The following METTL24 variants were observed in gnomAD, a reference collection of about 807,000 sequenced individuals.
METTL24 encodes the protein probable methyltransferase-like protein 24.
In METTL24, 29 loss-of-function variants were observed where a neutral mutation model predicts 32.7. The ratio of observed to expected loss-of-function variants is 0.89; its 90% CI spans 0.66 to 1.21. The LOEUF (loss-of-function observed/expected upper bound fraction) is 1.21, where lower values mean the gene tolerates loss of function less well. METTL24 is among the 50% of genes most tolerant of loss of function. The probability of loss-of-function intolerance (pLI) is 0.00; values close to 1 mark genes in which losing one functional copy is unlikely to be tolerated. For missense variants in METTL24, 439 were observed against 468.1 expected (o/e 0.94, Z 0.57); for synonymous variants, 163 against 179.5 (o/e 0.91, Z 0.73).
chr6:110,311,148 C>G (rs950533373), intron 3 of METTL24, among the ~76,000 whole-genome samples: 1 of 152,126 alleles, frequency 6.6e-6, no homozygotes, highest in African/African-American at 2.4e-5. Flanking sequence ...CAATTCTGGT[C>G]TGGGTCTCAC....
intron 3 of METTL24, among the ~76,000 whole-genome samples, chr6:110,307,138 T>C (rs1328385766): frequency 6.6e-6 from 1 of 152,228 alleles, no homozygotes; most frequent in Non-Finnish European, 1.5e-5. Context: ...TGTGGTAAGC[T>C]ATATTTTACT....
chr6:110,332,505 C>T, intron 1 of METTL24: 2 of 983,150 alleles, frequency 2.0e-6, no homozygotes, highest in Non-Finnish European at 2.4e-6. Flanking sequence ...TACACAGTGT[C>T]TGCATACGTA....
chr6:110,300,556 G>A (rs759279490), intron 3 of METTL24, among the ~76,000 whole-genome samples: 2 of 151,894 alleles, frequency 1.3e-5, no homozygotes, highest in Non-Finnish European at 2.9e-5. Flanking sequence ...AAGTAGCTGG[G>A]ATTACAGGTG....
chr6:110,324,456 G>A lies in METTL24; in HGVS notation c.319-1584C>T, dbSNP rs577814637. 4.6e-5 allele frequency among the ~76,000 whole-genome samples: 7 copies of A among 152,320 alleles called. No individual in the cohort carries two copies. The South Asian group carries it at 1.2e-3, about 27-fold the overall frequency. Reference sequence around the variant, plus strand: ...GCCATGCTCAGTTTAATGCTCTGCTGATGCTGTCTCGAAATTCTTAGTAAT... The same window carrying A: ...GCCATGCTCAGTTTAATGCTCTGCTAATGCTGTCTCGAAATTCTTAGTAAT... On this transcript the variant is annotated intron_variant, in intron 1 of 4. Coordinates refer to ENST00000338882, the MANE Select transcript of METTL24 (RefSeq NM_001123364.3).
At chr6:110,273,130 T>C in intron 4 of METTL24, among the ~76,000 whole-genome samples, 1 of 152,084 alleles carries the variant, frequency 6.6e-6, no homozygotes, top group Non-Finnish European at 1.5e-5. Flanking sequence ...CTGTCTTGAG[T>C]TGATTTTTGT....
chr6:110,312,640 A>T (rs981902036), intron 3 of METTL24, among the ~76,000 whole-genome samples: 3 of 152,220 alleles, frequency 2.0e-5, no homozygotes, highest in Non-Finnish European at 4.4e-5. Flanking sequence ...TGCTGGAGCT[A>T]AAAAGTTGAT....
At chr6:110,337,653 A>T (rs996222579) in intron 1 of METTL24, among the ~76,000 whole-genome samples, 1 of 152,176 alleles carries the variant, frequency 6.6e-6, no homozygotes, top group Non-Finnish European at 1.5e-5. Flanking sequence ...ATAGACCATA[A>T]GGAAATTCCA....
chr6:110,333,565 C>A (rs1772150238), intron 1 of METTL24, among the ~76,000 whole-genome samples: 1 of 152,110 alleles, frequency 6.6e-6, no homozygotes, highest in African/African-American at 2.4e-5. Context: ...GTGATTTCTC[C>A]TGCCTCAGCT....
chr6:110,265,610 G>T (rs1256494075), intron 4 of METTL24, among the ~76,000 whole-genome samples: 3 of 152,124 alleles, frequency 2.0e-5, no homozygotes, highest in Non-Finnish European at 4.4e-5. Context: ...AAAGGAAAAG[G>T]CTATACTTAG....
At chr6:110,295,005 C>CTTTT (rs1562228256) in intron 4 of METTL24, among the ~76,000 whole-genome samples, 13 of 96,832 alleles carry the variant, frequency 1.3e-4, no homozygotes, top group African/African-American at 4.5e-4. Context: ...TTCTTTTTTT[C>CTTTT]TTTCTTTCTT....
chr6:110,265,857 T>TTCC (rs370778447), intron 4 of METTL24, among the ~76,000 whole-genome samples: 12 of 151,740 alleles, frequency 7.9e-5, no homozygotes, highest in South Asian at 2.1e-4. Context: ...CCTCTTCCTC[T>TTCC]TCCTCCTCCT....
intron 3 of METTL24, among the ~76,000 whole-genome samples, chr6:110,313,851 T>G (rs1771767840): frequency 6.6e-6 from 1 of 152,216 alleles, no homozygotes; most frequent in African/African-American, 2.4e-5. Flanking sequence ...TCCTCTCAAG[T>G]GATCTTCTAC....
At chr6:110,315,236 G>T in intron 3 of METTL24, 106 bp downstream of exon 3, 2 of 1,283,954 alleles carry the variant, frequency 1.6e-6, no homozygotes, top group South Asian at 1.3e-5. Flanking sequence ...GCAAAGCATG[G>T]CACCTGTTAC....
intron 1 of METTL24, among the ~76,000 whole-genome samples, chr6:110,334,277 A>G (rs1448248478): frequency 1.3e-5 from 2 of 152,204 alleles, no homozygotes; most frequent in African/African-American, 2.4e-5. Flanking sequence ...CAGGCTTTAA[A>G]CCAGAAGTCA....
intron 1 of METTL24, among the ~76,000 whole-genome samples, chr6:110,356,279 T>TC (rs1772695202): frequency 6.6e-6 from 1 of 151,816 alleles, no homozygotes; most frequent in African/African-American, 2.4e-5. Flanking sequence ...CCCATCTCTA[T>TC]TAAAAATACA....
chr6:110,276,355 G>A (rs1771047402), intron 4 of METTL24, among the ~76,000 whole-genome samples: 1 of 152,180 alleles, frequency 6.6e-6, no homozygotes, highest in East Asian at 1.9e-4. Flanking sequence ...GGAGGCTGAG[G>A]CAGGAAGATC....
Position 110,358,055 on chromosome 6 carries a change from ACCTGCCT to A in METTL24, c.211_217del (p.Arg71Ter), listed in dbSNP as rs1772734909. 9.3e-7 allele frequency: 1 copy of A among 1,075,116 alleles called. No individual in the cohort carries two copies. The highest frequency in any genetic ancestry group is 1.7e-5 in the African/African-American group (1 of 59,072). 66.6% of individuals were successfully genotyped at this position (1,075,116 alleles called of 1,614,324 possible). ...CCGGCGACCGCTGCGCACGTAGGTC[ACCTGCCT>A]CCTGCTGGCGCCGCGCGGCTGGCCC... is the stretch of plus-strand genomic sequence containing the variant. On this transcript the variant is annotated frameshift_variant, in exon 1 of 5. Transcript: ENST00000338882. LOFTEE classifies it high-confidence loss of function.
At position 110,245,249 on chromosome 6, in the gene METTL24, CTCTG is replaced by C. The variant is rs1310055839; in HGVS notation, c.*693_*696del. Among the ~76,000 whole-genome samples, 2 of 152,178 alleles carry C rather than the reference CTCTG, an allele frequency of 1.3e-5. No individual in the cohort carries two copies. Among genetic ancestry groups the C allele is most frequent in the African/African-American group, 2.4e-5 (1 of 41,448 alleles). On this transcript the variant is annotated 3_prime_UTR_variant, in exon 5 of 5. Coordinates refer to ENST00000338882, the MANE Select transcript of METTL24 (RefSeq NM_001123364.3). ...CTAAGGCAGTAAGGAAGAATTAATT[CTCTG>C]TCTGGCTGTCTTCAAGCTGGGACAT...
rs9481051 is a variant in METTL24 at position 110,274,300 on chromosome 6, C to A, written c.786+24622G>T. On this transcript the variant is annotated intron_variant, in intron 4 of 4. Transcript: ENST00000338882. ...TAGAGACAGGGTTTCACCATGTTGG[C>A]CAGGCTGGTCTTGAACTCCTGAGCT... 5.2e-3 allele frequency among the ~76,000 whole-genome samples: 798 copies of A among 152,288 alleles called. 6 individuals are homozygous for A. Among genetic ancestry groups the A allele is most frequent in the African/African-American group, 0.018 (760 of 41,534 alleles).
Sources: allele counts gnomAD v4.1 joint callset (sites outside exome capture counted in the v4.1 genomes callset), GRCh38; gene constraint gnomAD v4.1.1; transcripts MANE v1.5; gene names NCBI Gene and HGNC (gene_info 2026-07-23, HGNC 2026-07-21).